Variants in CRX observed in about 807,000 individuals in gnomAD.
CRX encodes the protein cone-rod homeobox protein.
In CRX, 5 loss-of-function variants were observed where a neutral mutation model predicts 13.1. That is an observed-to-expected ratio of 0.38 (90% CI 0.20 to 0.80). The LOEUF (loss-of-function observed/expected upper bound fraction) is 0.80, where lower values mean the gene tolerates loss of function less well. CRX is among the 30% of genes least tolerant of loss of function. The pLI, the probability that CRX is intolerant of heterozygous loss-of-function variation, is 0.43. For synonymous variants in CRX, 179 were observed against 171.1 expected, an observed-to-expected ratio of 1.05 and a Z score of -0.36; for missense variants, 351 against 391.8, an observed-to-expected ratio of 0.90 and a Z score of 0.88.
At position 47,839,635 on chromosome 19, in the gene CRX, C is replaced by T. The variant is rs151169551; in HGVS notation, c.568C>T (p.Pro190Ser). 72 of 1,613,168 alleles carry T rather than the reference C, an allele frequency of 4.5e-5. No individual in the cohort carries two copies. The highest frequency in any genetic ancestry group is 5.9e-5 in the Non-Finnish European group (70 of 1,179,958). Residue 190 changes from proline to serine, a missense_variant, in exon 4 of 4, where the codon CCC becomes TCC. Physicochemically the swap from Pro to Ser is moderately conservative, Grantham distance 74 (BLOSUM62 -1). Transcript: ENST00000221996. This position sits in a 1 kb window ranked among gnomAD's most constrained non-coding sequence, Gnocchi z 4.6. ...VASGPSLTSA[P>S]YAMTYAPASA... ...CTCAGGGCCGTCTCTGACCTCCGCC[C>T]CCTATGCCATGACCTACGCCCCGGC...
intron 1 of CRX, among the ~76,000 whole-genome samples, chr19:47,832,103 A>ATTTTTTTTTTT (rs1968054388): frequency 4.5e-4 from 25 of 55,190 alleles, no homozygotes; most frequent in Non-Finnish European, 6.1e-4. Context: ...GAGCAGCCTT[A>ATTTTTTTTTTT]TGTTTTTTTT....
At chr19:47,823,537 G>T (rs1342294345) in intron 1 of CRX, among the ~76,000 whole-genome samples, 2 of 152,194 alleles carry the variant, frequency 1.3e-5, no homozygotes, top group Non-Finnish European at 2.9e-5. Flanking sequence ...GCTGGACAGA[G>T]GAGCCAACAG....
chr19:47,825,943 A>ATC (rs2123730530), intron 1 of CRX, among the ~76,000 whole-genome samples: 1 of 152,192 alleles, frequency 6.6e-6, no homozygotes, highest in East Asian at 1.9e-4. Context: ...ACAAAAACAA[A>ATC]AACCCAGAAA....
intron 1 of CRX, among the ~76,000 whole-genome samples, chr19:47,832,201 G>A (rs577654944): frequency 1.7e-4 from 24 of 137,940 alleles, no homozygotes; most frequent in African/African-American, 6.9e-4. Context: ...TGCCTCCCGG[G>A]TTCAAGCGAT....
chr19:47,822,505 A>G (rs1305006349), intron 1 of CRX, among the ~76,000 whole-genome samples: 1 of 152,164 alleles, frequency 6.6e-6, no homozygotes, highest in African/African-American at 2.4e-5. Context: ...TATGTGTTGC[A>G]TAGATGGATG....
intron 1 of CRX, among the ~76,000 whole-genome samples, chr19:47,823,296 C>G (rs527785178): frequency 1.3e-5 from 2 of 152,286 alleles, no homozygotes; most frequent in South Asian, 4.1e-4. Context: ...CAGACTGCCA[C>G]AGAGAGGAGG....
chr19:47,824,768 C>T (rs1223914980), intron 1 of CRX, among the ~76,000 whole-genome samples: 2 of 152,112 alleles, frequency 1.3e-5, no homozygotes, highest in Non-Finnish European at 2.9e-5. Context: ...AACCCCACAG[C>T]TCTGAGAATC....
intron 1 of CRX, 30 bp from the exon 2 acceptor site, chr19:47,834,379 T>G: frequency 8.1e-7 from 1 of 1,227,556 alleles, no homozygotes; most frequent in Non-Finnish European, 1.2e-6. Context: ...AACTGGTAAG[T>G]GAGTGAGCAT....
chr19:47,825,765 C>CAAAAAAAAAA (rs774130693), intron 1 of CRX, among the ~76,000 whole-genome samples: 1 of 143,488 alleles, frequency 7.0e-6, no homozygotes, highest in Non-Finnish European at 1.5e-5. Context: ...ACTAAAAATA[C>CAAAAAAAAAA]AAAAAAAAAA....
Position 47,839,072 on chromosome 19 carries a change from T to C in CRX, c.253-248T>C, listed in dbSNP as rs536872657. ...ATGCATGTATAATTGTACGTGTGCA[T>C]GTTTGCATTAGACGGATGGGATGAA... On this transcript the variant is annotated intron_variant, in intron 3 of 3. Coordinates refer to ENST00000221996, the MANE Select transcript of CRX (RefSeq NM_000554.6). The surrounding 1 kb of genome is among the most constrained non-coding windows in gnomAD (Gnocchi z 4.6). Among the ~76,000 whole-genome samples the C allele has an allele frequency of 6.6e-6, 1 of 152,164 alleles. No homozygotes were observed. The highest frequency in any genetic ancestry group is 6.5e-5 in the Admixed American group (1 of 15,292).
chr19:47,829,774 T>C (rs2123733861), intron 1 of CRX, among the ~76,000 whole-genome samples: 1 of 150,890 alleles, frequency 6.6e-6, no homozygotes, highest in South Asian at 2.1e-4. Context: ...AGACTACAGG[T>C]GCGGACCACC....
chr19:47,832,262 T>C (rs148655673), intron 1 of CRX, among the ~76,000 whole-genome samples: 2,725 of 142,796 alleles, frequency 0.019, 259 homozygotes, highest in African/African-American at 0.076. Context: ...CGCGCCACCA[T>C]GCCCGGCTAA....
At position 47,839,654 on chromosome 19, in the gene CRX, C is replaced by T. The variant is rs1372852556; in HGVS notation, c.587C>T (p.Ala196Val). ...LTSAPYAMTY[A>V]PASAFCSSPS... is the part of the protein sequence containing the mutation. Reference sequence around the variant, plus strand: ...TCCGCCCCCTATGCCATGACCTACGCCCCGGCCTCCGCTTTCTGCTCTTCC... The same window carrying T: ...TCCGCCCCCTATGCCATGACCTACGTCCCGGCCTCCGCTTTCTGCTCTTCC... The change falls in exon 4 of 4, where the codon GCC (alanine) becomes GTC (valine). Residue 196 changes from alanine (A) to valine (V), a missense_variant. Physicochemically the swap from Ala to Val is moderately conservative, Grantham distance 64 (BLOSUM62 0). This residue lies in a region of CRX where 253 missense variants were observed against 268.3 expected (regional missense o/e 0.94). Transcript: ENST00000221996. The surrounding 1 kb of genome is among the most constrained non-coding windows in gnomAD (Gnocchi z 4.6). 1 of 1,613,460 alleles carries T rather than the reference C, an allele frequency of 6.2e-7. No homozygotes were observed. The highest frequency in any genetic ancestry group is 8.5e-7 in the Non-Finnish European group (1 of 1,179,970).
intron 1 of CRX, among the ~76,000 whole-genome samples, chr19:47,822,427 C>A (rs1967923157): frequency 6.6e-6 from 1 of 152,226 alleles, no homozygotes; most frequent in African/African-American, 2.4e-5. Context: ...CACAAATGGC[C>A]TGTCTCCCTC....
At chr19:47,827,106 G>A (rs1175961598) in intron 1 of CRX, among the ~76,000 whole-genome samples, 1 of 152,180 alleles carries the variant, frequency 6.6e-6, no homozygotes, top group Non-Finnish European at 1.5e-5. Context: ...CAGCTTGTTA[G>A]TAGGGACTAC....
chr19:47,830,480 A>G (rs192121034), intron 1 of CRX, among the ~76,000 whole-genome samples: 1 of 152,280 alleles, frequency 6.6e-6, no homozygotes, highest in Non-Finnish European at 1.5e-5. Flanking sequence ...AGGTGGGTGG[A>G]TCACGAGGTC....
At chr19:47,833,499 C>A (rs1271964972) in intron 1 of CRX, among the ~76,000 whole-genome samples, 1 of 151,090 alleles carries the variant, frequency 6.6e-6, no homozygotes, top group South Asian at 2.1e-4. Flanking sequence ...CCAGGCTGGT[C>A]TTGAACTTCT....
intron 1 of CRX, among the ~76,000 whole-genome samples, chr19:47,832,054 T>A (rs1361130834): frequency 6.7e-6 from 1 of 148,328 alleles, no homozygotes; most frequent in Non-Finnish European, 1.5e-5. Flanking sequence ...AACAATTTTT[T>A]AAAACTATAT....
In CRX at chr19:47,832,105, G is replaced by GTTTTTGTTTTTT. The variant is rs1555801483; in HGVS notation, c.-35-2299_-35-2298insGTTTTTTTTTTT. On this transcript the variant is annotated intron_variant, in intron 1 of 3. Coordinates refer to ENST00000221996, the MANE Select transcript of CRX (RefSeq NM_000554.6). ...AAATCAGTTCAGAGAGCAGCCTTAT[G>GTTTTTGTTTTTT]TTTTTTTTTTTTTTTTTTGAGACGG... Among the ~76,000 whole-genome samples, 418 of 91,944 alleles carry GTTTTTGTTTTTT rather than the reference G, an allele frequency of 4.5e-3. 29 individuals carry two copies. The highest frequency in any genetic ancestry group is 5.5e-3 in the Admixed American group (43 of 7,764). 60.3% of individuals were successfully genotyped at this position (91,944 alleles called of 152,430 possible).
Sources: allele counts gnomAD v4.1 joint callset (sites outside exome capture counted in the v4.1 genomes callset), GRCh38; gene constraint gnomAD v4.1.1; regional missense constraint gnomAD v4.1.1; non-coding constraint Gnocchi (gnomAD v3.1); transcripts MANE v1.5; gene names NCBI Gene and HGNC (gene_info 2026-07-23, HGNC 2026-07-21).